CARS1: variants seen among roughly 807,000 people sequenced by gnomAD.
CARS1 encodes cysteinyl-tRNA synthetase 1, also known as cysteine--tRNA ligase, cytoplasmic.
A neutral mutation model predicts 106.2 loss-of-function variants in CARS1; 48 were observed. The observed-to-expected ratio is 0.45, with a 90% confidence interval of 0.36 to 0.57. The LOEUF (loss-of-function observed/expected upper bound fraction) is 0.57. Among genes scored for constraint, CARS1 ranks in the 20% least tolerant of loss-of-function variants. CARS1 has a pLI of 0.00. For missense variants in CARS1, 968 were observed against 1,057.2 expected, an observed-to-expected ratio of 0.92 and a Z score of 1.17; for synonymous variants, 409 against 403.4, an observed-to-expected ratio of 1.01 and a Z score of -0.17.
rs1172824599 is a variant in CARS1 at position 3,050,505 on chromosome 11, T to C, written c.26-2504A>G. Among the ~76,000 whole-genome samples, 1 of 152,144 alleles carries C rather than the reference T, an allele frequency of 6.6e-6. No individual in the cohort carries two copies. Among genetic ancestry groups the C allele is most frequent in the African/African-American group, 2.4e-5 (1 of 41,422 alleles). On this transcript the variant is annotated intron_variant, in intron 1 of 22. Transcript: ENST00000380525. The surrounding 1 kb of genome is among the most constrained non-coding windows in gnomAD (Gnocchi z 6.3). ...TGAGAGCCAGCCCTTGTCACCTGGA[T>C]TCCTGCAAGCCAGACACCGCCACCT... is the stretch of plus-strand genomic sequence containing the variant.
At chr11:3,015,455 A>C (rs1057426503) in intron 17 of CARS1, among the ~76,000 whole-genome samples, 1 of 152,256 alleles carries the variant, frequency 6.6e-6, no homozygotes, top group African/African-American at 2.4e-5. Flanking sequence ...TGACGAAGTC[A>C]TGTGTGTTCA....
At position 3,053,736 on chromosome 11, in the gene CARS1, G is replaced by C. The variant is rs1010563030; in HGVS notation, c.25+3607C>G. 6.6e-6 allele frequency among the ~76,000 whole-genome samples: 1 copy of C among 152,138 alleles called. No homozygotes were observed. The highest frequency in any genetic ancestry group is 2.4e-5 in the African/African-American group (1 of 41,436). ...GGCCCAGCAAGTGAGGTTTAAACCA[G>C]CTTCCCCATGGGTGGAAAGCTTGCT... On this transcript the variant is annotated intron_variant, in intron 1 of 22. Transcript: ENST00000380525. The surrounding 1 kb of genome is among the most constrained non-coding windows in gnomAD (Gnocchi z 6.6).
chr11:3,038,090 T>C lies in CARS1; in HGVS notation c.761A>G (p.Gln254Arg). Residue 254 changes from glutamine to arginine, a missense_variant, in exon 7 of 23, where the codon CAG becomes CGG. Physicochemically the swap from Gln to Arg is conservative, Grantham distance 43. Transcript: ENST00000380525. This position sits in a 1 kb window ranked among gnomAD's most constrained non-coding sequence, Gnocchi z 4.0. ...GACTTCCTCTCCCGTGAGTCTGGAC[T>C]GCACAGCTTTCTCAAGTGGCTCTGT... ...LATEPLEKAVQSRLTGEEVNS... is the reference protein window; with the variant it reads ...LATEPLEKAVRSRLTGEEVNS... The C allele has an allele frequency of 6.2e-7, 1 of 1,614,206 alleles. No individual in the cohort carries two copies. Among genetic ancestry groups the C allele is most frequent in the Non-Finnish European group, 8.5e-7 (1 of 1,180,018 alleles).
In CARS1 at chr11:3,046,120, T is replaced by C. The variant is rs1264283354; in HGVS notation, c.274+1633A>G. Among the ~76,000 whole-genome samples, 7 of 152,228 alleles carry C rather than the reference T, an allele frequency of 4.6e-5. No homozygotes were observed. Among genetic ancestry groups the C allele is most frequent in the African/African-American group, 7.2e-5 (3 of 41,458 alleles). On this transcript the variant is annotated intron_variant, in intron 2 of 22. Coordinates refer to ENST00000380525, the MANE Select transcript of CARS1 (RefSeq NM_001014437.3). The surrounding 1 kb of genome is among the most constrained non-coding windows in gnomAD (Gnocchi z 5.8). Reference sequence around the variant, plus strand: ...GAGGGCACAGCAACTCCATTAGTGCTATCCATGGTCCATTCTGTTACACAG... The same window carrying C: ...GAGGGCACAGCAACTCCATTAGTGCCATCCATGGTCCATTCTGTTACACAG...
chr11:3,019,088 G>T lies in CARS1; in HGVS notation c.1395+51C>A. The stretch of plus-strand genomic sequence containing the variant: ...CTGGGCTGACTTTTCCTCCACTGCA[G>T]TATGAACACTGTGCTCTTGCACCTG... On this transcript the variant is annotated intron_variant, in intron 12 of 22. Transcript: ENST00000380525. The surrounding 1 kb of genome is among the most constrained non-coding windows in gnomAD (Gnocchi z 6.2). The T allele has an allele frequency of 6.7e-7, 1 of 1,496,694 alleles. No individual in the cohort carries two copies. Among genetic ancestry groups the T allele is most frequent in the Non-Finnish European group, 8.9e-7 (1 of 1,124,450 alleles). The allele number at this position is 1,496,694 out of a possible 1,614,324, so 92.7% of individuals were successfully genotyped here.
rs80157407 is a variant in CARS1, at chr11:3,037,008, T to TAA, written c.801+1040_801+1041dup. On this transcript the variant is annotated intron_variant, in intron 7 of 22. Coordinates refer to ENST00000380525, the MANE Select transcript of CARS1 (RefSeq NM_001014437.3). This position sits in a 1 kb window ranked among gnomAD's most constrained non-coding sequence, Gnocchi z 5.9. ...CTTATGATGTGTGTTTTACCACAAT[T>TAA]AAAAAAAAAAAAAGAATATTAGTGG... Among the ~76,000 whole-genome samples the TAA allele has an allele frequency of 7.0e-6, 1 of 143,474 alleles. No homozygotes were observed. The highest frequency in any genetic ancestry group is 1.5e-5 in the Non-Finnish European group (1 of 65,226). The allele number at this position is 143,474 out of a possible 152,430, so 94.1% of individuals were successfully genotyped here.
In CARS1 at chr11:3,045,225, A is replaced by G. The variant is rs1316463046; in HGVS notation, c.274+2528T>C. 6.6e-6 allele frequency among the ~76,000 whole-genome samples: 1 copy of G among 152,120 alleles called. No individual in the cohort carries two copies. The highest frequency in any genetic ancestry group is 1.9e-4 in the East Asian group (1 of 5,184). On this transcript the variant is annotated intron_variant, in intron 2 of 22. Transcript: ENST00000380525. This position sits in a 1 kb window ranked among gnomAD's most constrained non-coding sequence, Gnocchi z 5.6. Reference sequence around the variant, plus strand: ...CCACCAGGAAGGGGTCTGGCTTCACAGGAGTAGGGACCTGGGGGTTAAGCA... The same window carrying G: ...CCACCAGGAAGGGGTCTGGCTTCACGGGAGTAGGGACCTGGGGGTTAAGCA...
chr11:3,014,068 G>A (rs965985390), intron 17 of CARS1, among the ~76,000 whole-genome samples: 6 of 152,142 alleles, frequency 3.9e-5, no homozygotes, highest in Non-Finnish European at 8.8e-5. Context: ...CTTCTTGGGG[G>A]TTTTCGATCT....
chr11:3,046,607 C>T lies in CARS1; in HGVS notation c.274+1146G>A, dbSNP rs183087856. 1.9e-3 allele frequency among the ~76,000 whole-genome samples: 286 copies of T among 152,336 alleles called. 2 individuals carry two copies. The highest frequency in any genetic ancestry group is 6.5e-3 in the African/African-American group (272 of 41,570). ...CAGCCTGGTTAAAACAGTGATCTAG[C>T]AGAGGCCTGACCCACGGCAGAGGCG... On this transcript the variant is annotated intron_variant, in intron 2 of 22. Coordinates refer to ENST00000380525, the MANE Select transcript of CARS1 (RefSeq NM_001014437.3). This position sits in a 1 kb window ranked among gnomAD's most constrained non-coding sequence, Gnocchi z 5.8.
Position 3,021,298 on chromosome 11 carries a change from A to G in CARS1, c.1154-966T>C, listed in dbSNP as rs1053922816. Among the ~76,000 whole-genome samples, 1 of 152,234 alleles carries G rather than the reference A, an allele frequency of 6.6e-6. No homozygotes were observed. Among genetic ancestry groups the G allele is most frequent in the Non-Finnish European group, 1.5e-5 (1 of 68,038 alleles). ...CAGAGCAGAGGTCTTCACTCTAGGC[A>G]TAAGGTTACCAGGACCCACGCCAGG... is the stretch of plus-strand genomic sequence containing the variant. On this transcript the variant is annotated intron_variant, in intron 10 of 22. Coordinates refer to ENST00000380525, the MANE Select transcript of CARS1 (RefSeq NM_001014437.3). The surrounding 1 kb of genome is among the most constrained non-coding windows in gnomAD (Gnocchi z 5.3).
chr11:3,055,073 G>A (rs895138508), intron 1 of CARS1: 1 of 649,654 alleles, frequency 1.5e-6, no homozygotes, highest in Non-Finnish European at 2.8e-6. Context: ...AAGAGAAATA[G>A]ACCTTCTGAG....
rs1195630405 is a variant in CARS1 at position 3,038,160 on chromosome 11, T to C, written c.691A>G (p.Lys231Glu). Residue 231 changes from lysine to glutamate, a missense_variant, in exon 7 of 23, where the codon AAA becomes GAA. By Grantham distance (56) the Lys-to-Glu change is moderately conservative. Coordinates refer to ENST00000380525, the MANE Select transcript of CARS1 (RefSeq NM_001014437.3). The surrounding 1 kb of genome is among the most constrained non-coding windows in gnomAD (Gnocchi z 4.0). ...VKLNETTDPDKKQMLERIQHA... is the reference protein window; with the variant it reads ...VKLNETTDPDEKQMLERIQHA... ...TGAATCCGTTCGAGCATCTGCTTTTTATCGGGATCCGTGGTCTCATTTAAT... is the reference window on the plus strand; with the variant it reads ...TGAATCCGTTCGAGCATCTGCTTTTCATCGGGATCCGTGGTCTCATTTAAT... The C allele has an allele frequency of 6.2e-7, 1 of 1,614,210 alleles. No individual in the cohort carries two copies. The highest frequency in any genetic ancestry group is 8.5e-7 in the Non-Finnish European group (1 of 1,180,014).
At chr11:3,054,824 TA>T (rs1214785209) in intron 1 of CARS1, 1 of 698,126 alleles carries the variant, frequency 1.4e-6, no homozygotes, top group African/African-American at 1.8e-5. Flanking sequence ...CTGGCTGTGT[TA>T]TTATGAAGAC....
rs1412739532 is a variant in CARS1 at position 3,020,642 on chromosome 11, C to T, written c.1154-310G>A. Reference sequence around the variant, plus strand: ...CTGCCTTCTCACAGCATTAGCCCACCAGTGTCTAGGACAAGTGATAAGAAC... The same window carrying T: ...CTGCCTTCTCACAGCATTAGCCCACTAGTGTCTAGGACAAGTGATAAGAAC... On this transcript the variant is annotated intron_variant, in intron 10 of 22. Transcript: ENST00000380525. This position sits in a 1 kb window ranked among gnomAD's most constrained non-coding sequence, Gnocchi z 4.6. Among the ~76,000 whole-genome samples the T allele has an allele frequency of 1.3e-5, 2 of 152,170 alleles. No homozygotes were observed. The highest frequency in any genetic ancestry group is 4.8e-5 in the African/African-American group (2 of 41,410).
At chr11:3,024,764 T>C (rs1851891849) in intron 10 of CARS1, among the ~76,000 whole-genome samples, 6 of 152,296 alleles carry the variant, frequency 3.9e-5, no homozygotes, top group Admixed American at 3.3e-4. Context: ...TGTTATCTAA[T>C]ACAATCGCTC....
At position 3,034,195 on chromosome 11, in the gene CARS1, CTTTT is replaced by C. The variant is rs1265313858; in HGVS notation, c.801+3851_801+3854del. 1.4e-5 allele frequency among the ~76,000 whole-genome samples: 2 copies of C among 147,306 alleles called. No individual in the cohort carries two copies. The highest frequency in any genetic ancestry group is 3.0e-5 in the Non-Finnish European group (2 of 66,176). ...TTTTCTGTTTTTTTGTTTGTTTGTT[CTTTT>C]TTTTGTTTTCTGTTTTTTGTTTTGT... On this transcript the variant is annotated intron_variant, in intron 7 of 22. Coordinates refer to ENST00000380525, the MANE Select transcript of CARS1 (RefSeq NM_001014437.3). The surrounding 1 kb of genome is among the most constrained non-coding windows in gnomAD (Gnocchi z 6.3).
intron 9 of CARS1, chr11:3,027,930 G>C: frequency 2.2e-6 from 1 of 449,400 alleles, no homozygotes; most frequent in South Asian, 1.6e-5. Flanking sequence ...ACCTCTTGTG[G>C]AGGGCCTGAC....
At chr11:3,005,679 C>A (rs1849795032) in intron 19 of CARS1, among the ~76,000 whole-genome samples, 1 of 143,398 alleles carries the variant, frequency 7.0e-6, no homozygotes, top group African/African-American at 2.6e-5. Flanking sequence ...GTCATCCAGG[C>A]TGGAGTGCAG....
chr11:3,001,286 G>A (rs1349515657), intron 22 of CARS1, 38 bp from the exon 23 acceptor site: 9 of 1,607,202 alleles, frequency 5.6e-6, no homozygotes, highest in South Asian at 1.1e-5. Context: ...GGTCTCCTCT[G>A]CACCTGGGTA....
Sources: allele counts gnomAD v4.1 joint callset (sites outside exome capture counted in the v4.1 genomes callset), GRCh38; gene constraint gnomAD v4.1.1; non-coding constraint Gnocchi (gnomAD v3.1); transcripts MANE v1.5; gene names NCBI Gene and HGNC (gene_info 2026-07-23, HGNC 2026-07-21).